Variants in SPNS1 observed in about 807,000 individuals in gnomAD.
SPNS1 encodes the protein SPNS lysolipid transporter 1, lysophospholipid, also known as protein spinster homolog 1.
A neutral mutation model predicts 50.3 loss-of-function variants in SPNS1; 22 were observed. The observed-to-expected ratio is 0.44, with a 90% confidence interval of 0.31 to 0.62. The LOEUF (loss-of-function observed/expected upper bound fraction) is 0.62, where lower values mean the gene tolerates loss of function less well. SPNS1 is among the 20% of genes least tolerant of loss of function. SPNS1 has a pLI of 0.07. For synonymous variants in SPNS1, 295 were observed against 317.4 expected (o/e 0.93, Z 0.75); for missense variants, 576 against 728.6 (o/e 0.79, Z 2.41).
Position 28,983,677 on chromosome 16 carries a change from TC to T in SPNS1, c.1321-106del. On this transcript the variant is annotated intron_variant, in intron 10 of 11. Transcript: ENST00000311008. This position sits in a 1 kb window ranked among gnomAD's most constrained non-coding sequence, Gnocchi z 5.4. ...CCACTGCATCTAGCTCAAACCTCCTTCCCTTTCCTGGGCTCCACTTGTCTTT... is the reference window on the plus strand; with the variant it reads ...CCACTGCATCTAGCTCAAACCTCCTTCCTTTCCTGGGCTCCACTTGTCTTT... 12 of 1,309,982 alleles carry T rather than the reference TC, an allele frequency of 9.2e-6. No homozygotes were observed. The highest frequency in any genetic ancestry group is 1.2e-5 in the Non-Finnish European group (12 of 963,472). 81.1% of individuals were successfully genotyped at this position (1,309,982 alleles called of 1,614,324 possible). A position where few individuals can be genotyped will look rare whatever the true frequency, so the allele number is the denominator to read the frequency against.
In SPNS1 at chr16:28,982,917, C is replaced by T. The variant is rs1965605384; in HGVS notation, c.1216C>T (p.Leu406=). 1 of 1,613,850 alleles carries T rather than the reference C, an allele frequency of 6.2e-7. No individual in the cohort carries two copies. The highest frequency in any genetic ancestry group is 8.5e-7 in the Non-Finnish European group (1 of 1,180,028). ...GAACTGGGCCATCGTGGCCGACATT[C>T]TGCTGGTGAGTTGCTGGGCAGCTCC... ...SMNWAIVADI[L]LYVVIPTRRS... Residue 406 remains leucine (L), a synonymous_variant, in exon 9 of 12, where the codon CTG becomes TTG. Transcript: ENST00000311008.
chr16:28,980,525 C>G (rs982225928), intron 5 of SPNS1: 1 of 151,894 alleles, frequency 6.6e-6, no homozygotes, highest in African/African-American at 2.4e-5. Context: ...AGAATTCTTG[C>G]GTGCAGGTGA....
At chr16:28,980,992 C>G (rs1422017531) in intron 5 of SPNS1, among the ~76,000 whole-genome samples, 1 of 152,222 alleles carries the variant, frequency 6.6e-6, no homozygotes, top group Non-Finnish European at 1.5e-5. Context: ...CTCTTCTGAG[C>G]TTTACTTTCC....
intron 2 of SPNS1, among the ~76,000 whole-genome samples, chr16:28,975,878 AT>A (rs1965323913): frequency 6.6e-6 from 1 of 152,242 alleles, no homozygotes; most frequent in South Asian, 2.1e-4. Flanking sequence ...GGAACAAGTA[AT>A]AACACGAATC....
At chr16:28,978,897 A>G (rs1965436947) in intron 3 of SPNS1, 3 of 522,692 alleles carry the variant, frequency 5.7e-6, no homozygotes, top group Non-Finnish European at 6.8e-6. Flanking sequence ...TTTATTGTCT[A>G]GTCCTTGCAA....
Position 28,983,084 on chromosome 16 carries a change from G to C in SPNS1, c.1222-108G>C, listed in dbSNP as rs1965613123. On this transcript the variant is annotated intron_variant, in intron 9 of 11. Transcript: ENST00000311008. The surrounding 1 kb of genome is among the most constrained non-coding windows in gnomAD (Gnocchi z 5.4). ...GCCTGCCCTGCGACCTCAACCCCAG[G>C]CACACCTCTGACCCCGGCCTAGGCG... The C allele has an allele frequency of 1.7e-6, 2 of 1,204,940 alleles. No individual in the cohort carries two copies. The highest frequency in any genetic ancestry group is 3.0e-5 in the African/African-American group (2 of 66,632). 74.6% of individuals were successfully genotyped at this position (1,204,940 alleles called of 1,614,324 possible). A position where few individuals can be genotyped will look rare whatever the true frequency, so the allele number is the denominator to read the frequency against.
intron 11 of SPNS1, 70 bp downstream of exon 11, chr16:28,984,027 C>T (rs772874528): frequency 1.3e-6 from 2 of 1,499,376 alleles, no homozygotes; most frequent in Non-Finnish European, 1.8e-6. Context: ...TCTGCCCACT[C>T]CTGTGCACCT....
chr16:28,977,840 T>C (rs1170649649), intron 2 of SPNS1, 68 bp from the exon 3 acceptor site: 1 of 1,580,712 alleles, frequency 6.3e-7, no homozygotes, highest in East Asian at 2.2e-5. Context: ...GCTTTAGTGG[T>C]TCCAGCTGGG....
At chr16:28,980,982 C>T (rs1965529810) in intron 5 of SPNS1, among the ~76,000 whole-genome samples, 1 of 152,246 alleles carries the variant, frequency 6.6e-6, no homozygotes, top group African/African-American at 2.4e-5. Flanking sequence ...CACTGCCCTT[C>T]TCTTCTGAGC....
downstream of SPNS1, chr16:28,984,657 G>A (rs1567529554): frequency 6.4e-6 from 4 of 629,168 alleles, no homozygotes; most frequent in East Asian, 5.4e-5. Context: ...GTGAGTCTCT[G>A]CCCTTCTGGG....
In SPNS1 at chr16:28,982,091, G is replaced by GT. The variant is rs759084637; in HGVS notation, c.965+36dup. 1.9e-6 allele frequency: 3 copies of GT among 1,604,494 alleles called. No individual in the cohort carries two copies. The South Asian group carries it at 3.3e-5, about 18-fold the overall frequency. On this transcript the variant is annotated intron_variant, in intron 7 of 11. Transcript: ENST00000311008. ...TGGGGCTATGCTGGGGGGCCTGCGGGTGGCAGGGCTGGAGTGAAGAGCATC... is the reference window on the plus strand; with the variant it reads ...TGGGGCTATGCTGGGGGGCCTGCGGGTTGGCAGGGCTGGAGTGAAGAGCATC...
rs377594928 is a variant in SPNS1, at chr16:28,983,183, C to T, written c.1222-9C>T. On this transcript the variant is annotated splice_polypyrimidine_tract_variant and intron_variant, in intron 9 of 11. Coordinates refer to ENST00000311008, the MANE Select transcript of SPNS1 (RefSeq NM_032038.3). The surrounding 1 kb of genome is among the most constrained non-coding windows in gnomAD (Gnocchi z 5.4). Reference sequence around the variant, plus strand: ...GAGCATCCACTGAGCTCCACCAACTCCTCCACAGTACGTGGTGATCCCTAC... The same window carrying T: ...GAGCATCCACTGAGCTCCACCAACTTCTCCACAGTACGTGGTGATCCCTAC... The T allele has an allele frequency of 3.1e-6, 5 of 1,607,042 alleles. No individual in the cohort carries two copies. Among genetic ancestry groups the T allele is most frequent in the Admixed American group, 3.3e-5 (2 of 59,964 alleles).
intron 1 of SPNS1, 26 bp from the exon 2 acceptor site, chr16:28,975,466 C>T (rs773290847): frequency 4.3e-6 from 7 of 1,614,114 alleles, no homozygotes; most frequent in East Asian, 4.5e-5. Flanking sequence ...GCTGCTTTGC[C>T]GGACCATCCT....
At chr16:28,978,095 T>G (rs756431623) in intron 3 of SPNS1, 51 bp downstream of exon 3, 11 of 1,591,450 alleles carry the variant, frequency 6.9e-6, no homozygotes, top group Non-Finnish European at 3.4e-6. Flanking sequence ...TCCCTGTCAG[T>G]CTCTGCTGCT....
chr16:28,979,638 A>G (rs1034617062), intron 5 of SPNS1, 167 bp downstream of exon 5: 5 of 702,236 alleles, frequency 7.1e-6, no homozygotes, highest in African/African-American at 1.7e-5. Context: ...GTAGCCTGGA[A>G]CGCCTGAGCT....
Position 28,982,456 on chromosome 16 carries a change from C to T in SPNS1, c.1066C>T (p.Pro356Ser), listed in dbSNP as rs1965587808. Reference protein sequence around the residue: ...RLRHSNPRADPLVCATGLLGS... With the variant: ...RLRHSNPRADSLVCATGLLGS... ...CCGCCACTCCAACCCCCGGGCTGATCCCCTGGTCTGTGCCACTGGCCTCCT... is the reference window on the plus strand; with the variant it reads ...CCGCCACTCCAACCCCCGGGCTGATTCCCTGGTCTGTGCCACTGGCCTCCT... Residue 356 changes from proline (P) to serine (S), a missense_variant, in exon 8 of 12, where the codon CCC becomes TCC. Coordinates refer to ENST00000311008, the MANE Select transcript of SPNS1 (RefSeq NM_032038.3). 1.2e-6 allele frequency: 2 copies of T among 1,613,780 alleles called. No homozygotes were observed. The highest frequency in any genetic ancestry group is 2.7e-5 in the African/African-American group (2 of 74,922).
intron 9 of SPNS1, 30 bp downstream of exon 9, chr16:28,982,952 G>A (rs556712421): frequency 2.5e-5 from 41 of 1,612,306 alleles, no homozygotes; most frequent in Admixed American, 6.7e-5. Flanking sequence ...CAGGGTCAGC[G>A]CAGAGGCTGA....
Position 28,982,417 on chromosome 16 carries a change from A to G in SPNS1, c.1027A>G (p.Ile343Val), listed in dbSNP as rs1567526249. The G allele has an allele frequency of 6.2e-7, 1 of 1,612,532 alleles. No individual in the cohort carries two copies. The highest frequency in any genetic ancestry group is 1.1e-5 in the South Asian group (1 of 90,908). ...CCTGGGTGTGGGCCTGGGTGTGGAG[A>G]TCAGCCGCCGGCTCCGCCACTCCAA... Reference protein sequence around the residue: ...GVLGVGLGVEISRRLRHSNPR... With the variant: ...GVLGVGLGVEVSRRLRHSNPR... Residue 343 changes from isoleucine to valine, a missense_variant, in exon 8 of 12, where the codon ATC (isoleucine) becomes GTC (valine). Around this residue, in one of 3 missense-constraint regions of SPNS1, gnomAD observed 428 missense variants for 520.1 expected, o/e 0.82. Transcript: ENST00000311008.
chr16:28,976,679 G>A (rs1015675071), intron 2 of SPNS1, among the ~76,000 whole-genome samples: 3 of 152,210 alleles, frequency 2.0e-5, no homozygotes, highest in East Asian at 1.9e-4. Context: ...AGGTCTTGCA[G>A]TGTTCTTTTC....
Sources: gnomAD v4.1 joint callset for allele counts (sites outside exome capture counted in the v4.1 genomes callset) on GRCh38, gnomAD v4.1.1 for gene constraint, gnomAD v4.1.1 regional missense constraint, Gnocchi (gnomAD v3.1) non-coding constraint, MANE v1.5 for transcripts, NCBI Gene and HGNC (gene_info 2026-07-23, HGNC 2026-07-21) for gene names.